The following MCUB variants were observed in gnomAD, a reference collection of about 807,000 sequenced individuals.
MCUB encodes the protein calcium uniporter regulatory subunit MCUb, mitochondrial.
In MCUB, 46 loss-of-function variants were observed where a neutral mutation model predicts 41.4. That is an observed-to-expected ratio of 1.11 (90% CI 0.88 to 1.42). MCUB has a LOEUF of 1.42. MCUB is among the 40% of genes most tolerant of loss of function. MCUB has a pLI of 0.00. For synonymous variants in MCUB, 148 were observed against 148.2 expected (o/e 1.00, Z 0.01); for missense variants, 403 against 404.9 (o/e 1.00, Z 0.04).
intron 1 of MCUB, among the ~76,000 whole-genome samples, chr4:109,591,669 TG>T (rs1312441605): frequency 6.6e-6 from 1 of 152,162 alleles, no homozygotes; most frequent in African/African-American, 2.4e-5. Context: ...ATTTTTGAGT[TG>T]TTTCTCCATC....
intron 1 of MCUB, among the ~76,000 whole-genome samples, chr4:109,561,875 A>G (rs1364611019): frequency 6.6e-6 from 1 of 152,100 alleles, no homozygotes; most frequent in Non-Finnish European, 1.5e-5. Context: ...CAGCCTCCCC[A>G]GAAAATAGGA....
chr4:109,570,969 A>G (rs1194903976), intron 1 of MCUB, among the ~76,000 whole-genome samples: 1 of 152,232 alleles, frequency 6.6e-6, no homozygotes, highest in African/African-American at 2.4e-5. Context: ...TAAGATGTAT[A>G]ATGAATTCCT....
At chr4:109,651,748 A>C (rs892592472) in intron 1 of MCUB, among the ~76,000 whole-genome samples, 1 of 152,170 alleles carries the variant, frequency 6.6e-6, no homozygotes, top group Non-Finnish European at 1.5e-5. Context: ...CCATTCTTGC[A>C]CAGGATAAAT....
At chr4:109,662,548 T>C (rs2126145170) in intron 3 of MCUB, among the ~76,000 whole-genome samples, 1 of 152,340 alleles carries the variant, frequency 6.6e-6, no homozygotes. Flanking sequence ...AGGGACTCTT[T>C]GGACTGAGTG....
intron 1 of MCUB, among the ~76,000 whole-genome samples, chr4:109,622,832 G>A (rs896020440): frequency 6.6e-6 from 1 of 152,284 alleles, no homozygotes; most frequent in South Asian, 2.1e-4. Flanking sequence ...TTAGCAATAT[G>A]CAGTACAATA....
At chr4:109,634,136 G>C (rs1384781687) in intron 1 of MCUB, among the ~76,000 whole-genome samples, 1 of 152,078 alleles carries the variant, frequency 6.6e-6, no homozygotes, top group Non-Finnish European at 1.5e-5. Context: ...GAGTGATCAT[G>C]CCATGCAGTT....
At chr4:109,626,843 A>G (rs1271603101) in intron 1 of MCUB, among the ~76,000 whole-genome samples, 2 of 139,662 alleles carry the variant, frequency 1.4e-5, no homozygotes, top group African/African-American at 2.5e-5. Flanking sequence ...AAAAAAAAAA[A>G]AAGGAAGCCT....
At chr4:109,568,702 T>C (rs192321325) in intron 1 of MCUB, among the ~76,000 whole-genome samples, 4 of 152,328 alleles carry the variant, frequency 2.6e-5, no homozygotes, top group Admixed American at 6.5e-5. Context: ...ACTTACATCA[T>C]TCGACCATAC....
At chr4:109,581,518 C>G (rs1229080902) in intron 1 of MCUB, among the ~76,000 whole-genome samples, 1 of 151,450 alleles carries the variant, frequency 6.6e-6, no homozygotes, top group Non-Finnish European at 1.5e-5. Flanking sequence ...CAACAAAAGC[C>G]AAAATTGACA....
At chr4:109,568,591 C>G (rs1007781200) in intron 1 of MCUB, among the ~76,000 whole-genome samples, 2 of 152,158 alleles carry the variant, frequency 1.3e-5, no homozygotes, top group Non-Finnish European at 2.9e-5. Context: ...AGCCACCCCC[C>G]ATCTCCCCAC....
At chr4:109,580,366 A>G (rs755727650) in intron 1 of MCUB, among the ~76,000 whole-genome samples, 14 of 152,242 alleles carry the variant, frequency 9.2e-5, no homozygotes, top group Non-Finnish European at 1.8e-4. Context: ...GTATAGTAGC[A>G]TGATTTGTAA....
At chr4:109,591,248 C>T (rs553709750) in intron 1 of MCUB, among the ~76,000 whole-genome samples, 33 of 150,526 alleles carry the variant, frequency 2.2e-4, no homozygotes, top group African/African-American at 7.3e-4. Flanking sequence ...TGCAGTGGTG[C>T]GATCTCAGCT....
At chr4:109,666,542 T>G (rs1488090951) in intron 4 of MCUB, among the ~76,000 whole-genome samples, 2 of 141,978 alleles carry the variant, frequency 1.4e-5, no homozygotes, top group African/African-American at 5.1e-5. Context: ...TTCTTAATGA[T>G]GTATGATGAT....
At chr4:109,666,633 C>G (rs1477958623) in intron 4 of MCUB, among the ~76,000 whole-genome samples, 2 of 152,092 alleles carry the variant, frequency 1.3e-5, no homozygotes, top group African/African-American at 4.8e-5. Context: ...ATTTTGTGAT[C>G]AGGTTGTTCA....
chr4:109,614,740 T>C (rs1386656964), intron 1 of MCUB, among the ~76,000 whole-genome samples: 1 of 151,816 alleles, frequency 6.6e-6, no homozygotes, highest in Non-Finnish European at 1.5e-5. Flanking sequence ...CCTGATGTCC[T>C]GCCCTGTGGA....
At chr4:109,619,735 A>G (rs1405417039) in intron 1 of MCUB, among the ~76,000 whole-genome samples, 1 of 152,082 alleles carries the variant, frequency 6.6e-6, no homozygotes, top group Non-Finnish European at 1.5e-5. Flanking sequence ...AAGCTTTTAG[A>G]TCATCAGTAA....
chr4:109,618,997 A>AACCT (rs201511635), intron 1 of MCUB, among the ~76,000 whole-genome samples: 3,387 of 122,870 alleles, frequency 0.028, 117 homozygotes, highest in African/African-American at 0.086. Context: ...TCTACCTACC[A>AACCT]ACCTACCTAC....
intron 1 of MCUB, among the ~76,000 whole-genome samples, chr4:109,627,991 A>G (rs2126137229): frequency 6.6e-6 from 1 of 152,028 alleles, no homozygotes; most frequent in East Asian, 1.9e-4. Context: ...GGGAACATAT[A>G]ACATATAAGT....
chr4:109,631,068 C>CA (rs1728464699), intron 1 of MCUB, among the ~76,000 whole-genome samples: 1 of 152,186 alleles, frequency 6.6e-6, no homozygotes, highest in African/African-American at 2.4e-5. Context: ...CCTAGATACT[C>CA]AATTTCTGGA....
Sources: allele counts gnomAD v4.1 joint callset (sites outside exome capture counted in the v4.1 genomes callset), GRCh38; gene constraint gnomAD v4.1.1; transcripts MANE v1.5; gene names NCBI Gene and HGNC (gene_info 2026-07-23, HGNC 2026-07-21).